Variants in CCDC194 observed in about 807,000 individuals in gnomAD.
CCDC194 encodes coiled-coil domain containing 194.
A neutral mutation model predicts 4.9 loss-of-function variants in CCDC194; 8 were observed. The observed-to-expected ratio is 1.65, with a 90% confidence interval of 0.97 to 2.97. The LOEUF is 2.97. Among genes scored for constraint, CCDC194 ranks in the 30% most tolerant of loss-of-function variants. CCDC194 has a pLI of 0.00. For missense variants in CCDC194, 52 were observed against 43.1 expected (o/e 1.21, Z -0.58); for synonymous variants, 13 against 17.0 (o/e 0.76, Z 0.58).
intron 1 of CCDC194, among the ~76,000 whole-genome samples, chr19:17,392,967 C>T (rs1196963289): frequency 6.6e-6 from 1 of 152,192 alleles, no homozygotes; most frequent in Non-Finnish European, 1.5e-5. Flanking sequence ...CAGGCGTGAG[C>T]CACTGCGCCC....
At chr19:17,387,705 C>T (rs1171305511), downstream of CCDC194, among the ~76,000 whole-genome samples, 1 of 151,314 alleles carries the variant, frequency 6.6e-6, no homozygotes, top group Non-Finnish European at 1.5e-5. Flanking sequence ...GCAACAAAAG[C>T]AAGACTCTAT....
At chr19:17,389,789 AC>A (rs1476507106), downstream of CCDC194, among the ~76,000 whole-genome samples, 7 of 152,050 alleles carry the variant, frequency 4.6e-5, no homozygotes, top group Non-Finnish European at 1.0e-4. Flanking sequence ...ACATGGTGTA[AC>A]CCCGTCTCTA....
At chr19:17,393,806 C>T (rs1302044955) in intron 1 of CCDC194, 29 bp downstream of exon 1, 3 of 395,228 alleles carry the variant, frequency 7.6e-6, no homozygotes, top group African/African-American at 2.1e-5. Flanking sequence ...TCTGGATTCC[C>T]GAGCTCCCCC....
chr19:17,393,462 C>T (rs1468554035), intron 1 of CCDC194, among the ~76,000 whole-genome samples: 2 of 148,926 alleles, frequency 1.3e-5, no homozygotes, highest in Non-Finnish European at 2.9e-5. Context: ...GGTCTCAGCT[C>T]ACTGCAACCT....
downstream of CCDC194, among the ~76,000 whole-genome samples, chr19:17,387,334 C>T (rs576500769): frequency 2.0e-5 from 3 of 152,104 alleles, no homozygotes; most frequent in African/African-American, 2.4e-5. Flanking sequence ...ACCCCTGGTT[C>T]GCTCCCCAGA....
exon 3 of CCDC194, chr19:17,391,261 C>G (rs2074653538): frequency 4.9e-6 from 2 of 408,420 alleles, no homozygotes; most frequent in East Asian, 7.1e-5. Context: ...CGCCCTCGGC[C>G]TCCGCCACGC....
chr19:17,388,051 T>C (rs2074641779), downstream of CCDC194, among the ~76,000 whole-genome samples: 1 of 151,698 alleles, frequency 6.6e-6, no homozygotes, highest in Non-Finnish European at 1.5e-5. Context: ...CATGCCCGGC[T>C]AATTTTTTGT....
chr19:17,392,613 A>T (rs187303867), intron 1 of CCDC194, among the ~76,000 whole-genome samples: 9 of 152,210 alleles, frequency 5.9e-5, no homozygotes, highest in African/African-American at 1.9e-4. Flanking sequence ...AGTGCGTCTT[A>T]CAGCAAGGGG....
chr19:17,393,193 G>A (rs1044543624), intron 1 of CCDC194, among the ~76,000 whole-genome samples: 2 of 152,022 alleles, frequency 1.3e-5, no homozygotes, highest in African/African-American at 4.8e-5. Flanking sequence ...GACCCAGCAG[G>A]TACCTCCCCC....
chr19:17,390,528 G>C lies in CCDC194; in HGVS notation c.686C>G (p.Ala229Gly), dbSNP rs942042844. 5.1e-6 allele frequency: 2 copies of C among 393,882 alleles called. No individual in the cohort carries two copies. Among genetic ancestry groups the C allele is most frequent in the African/African-American group, 4.2e-5 (2 of 48,152 alleles). The allele number at this position is 393,882 out of a possible 1,614,324, so 24.4% of individuals were successfully genotyped here. ...GCCGACTCACCCTCGTGCGCGCCGCGCCGGCCGCCGGCAGCCCCCGGAGGG... is the reference window on the plus strand; with the variant it reads ...GCCGACTCACCCTCGTGCGCGCCGCCCCGGCCGCCGGCAGCCCCCGGAGGG... Residue 229 changes from alanine to glycine, a missense_variant, in exon 4 of 4, where the codon GCG becomes GGG. Physicochemically the swap from Ala to Gly is moderately conservative, Grantham distance 60. Transcript: ENST00000636079. The surrounding 1 kb of genome is among the most constrained non-coding windows in gnomAD (Gnocchi z 5.5).
Position 17,390,727 on chromosome 19 carries a change from C to T in CCDC194, c.555-68G>A, listed in dbSNP as rs746479826. The stretch of plus-strand genomic sequence containing the variant: ...GTCCCCAGACATCGCCAGCCCTCAT[C>T]CGCCAGAGCGTCCCTTTGCTGGGAA... On this transcript the variant is annotated intron_variant, in intron 3 of 3. Coordinates refer to ENST00000636079, the Ensembl canonical transcript of CCDC194. This position sits in a 1 kb window ranked among gnomAD's most constrained non-coding sequence, Gnocchi z 5.5. 129 of 393,718 alleles carry T rather than the reference C, an allele frequency of 3.3e-4. No homozygotes were observed. Among genetic ancestry groups the T allele is most frequent in the Non-Finnish European group, 4.8e-4 (108 of 222,776 alleles). 24.4% of individuals were successfully genotyped at this position (393,718 alleles called of 1,614,324 possible).
At chr19:17,392,028 G>A (rs1307957258) in intron 1 of CCDC194, 182 bp from the exon 2 acceptor site, 2 of 549,460 alleles carry the variant, frequency 3.6e-6, no homozygotes, top group Admixed American at 3.8e-5. Context: ...CTGGGGCACC[G>A]AGTGGTGACA....
rs990113315 is a variant in CCDC194 at position 17,391,773 on chromosome 19, C to G, written c.398G>C (p.Gly133Ala). ...ACCTGTCAGCGCCCCGTTCTCGGCC[C>G]CCATCTGGGTCCCCTGTGCCTTGGC... is the stretch of plus-strand genomic sequence containing the variant. Residue 133 changes from glycine (G) to alanine (A), a missense_variant, in exon 2 of 4, where the codon GGG (glycine) becomes GCG (alanine). Transcript: ENST00000636079. The G allele has an allele frequency of 3.9e-6, 6 of 1,535,612 alleles. No homozygotes were observed. The African/African-American group carries it at 5.5e-5, about 14-fold the overall frequency.
In CCDC194 at chr19:17,390,999, C is replaced by A. The variant is rs142017083; in HGVS notation, c.554+212G>T. ...CCTGGGGACCTAAGTTTCTAGAATGCCCGCCCCAGCCTGGAATCCCAAGAG... is the reference window on the plus strand; with the variant it reads ...CCTGGGGACCTAAGTTTCTAGAATGACCGCCCCAGCCTGGAATCCCAAGAG... On this transcript the variant is annotated intron_variant, in intron 3 of 3. Transcript: ENST00000636079. The surrounding 1 kb of genome is among the most constrained non-coding windows in gnomAD (Gnocchi z 5.5). Among the ~76,000 whole-genome samples, 3,693 of 152,138 alleles carry A rather than the reference C, an allele frequency of 0.024. 67 individuals are homozygous for A. Among genetic ancestry groups the A allele is most frequent in the Middle Eastern group, 0.044 (13 of 294 alleles).
chr19:17,392,468 G>A (rs546788448), intron 1 of CCDC194, among the ~76,000 whole-genome samples: 69 of 152,238 alleles, frequency 4.5e-4, no homozygotes, highest in African/African-American at 1.5e-3. Flanking sequence ...GCATGACTCC[G>A]TCTCAGAACA....
chr19:17,387,408 T>TAC (rs143974682), downstream of CCDC194, among the ~76,000 whole-genome samples: 8,186 of 150,256 alleles, frequency 0.054, 254 homozygotes, highest in South Asian at 0.14. Flanking sequence ...CCCCAAGCCC[T>TAC]ACACACACAC....
In CCDC194 at chr19:17,394,057, T is replaced by C. The variant is rs1382178083; in HGVS notation, c.102A>G (p.Val34=). Reference sequence around the variant, plus strand: ...CAGCCGAGGCGGCCAGATTCCAGGCTACCAGGGCCCCGCCGGCTGCTGCCG... The same window carrying C: ...CAGCCGAGGCGGCCAGATTCCAGGCCACCAGGGCCCCGCCGGCTGCTGCCG... Residue 34 remains valine (V), a synonymous_variant, in exon 1 of 4, where the codon GTA becomes GTG. Transcript: ENST00000636079. 9 of 389,356 alleles carry C rather than the reference T, an allele frequency of 2.3e-5. No homozygotes were observed. In the Admixed American group the frequency reaches 4.0e-4, roughly 17 times the overall value. The allele number at this position is 389,356 out of a possible 1,614,324, so 24.1% of individuals were successfully genotyped here.
At chr19:17,388,193 C>CTTTTT (rs71162117), downstream of CCDC194, among the ~76,000 whole-genome samples, 25 of 92,092 alleles carry the variant, frequency 2.7e-4, 1 homozygote, top group African/African-American at 1.0e-3. Flanking sequence ...TCTTTTTTTC[C>CTTTTT]TTTTTTTTTT....
rs2074663819 is a variant in CCDC194 at position 17,393,776 on chromosome 19, G to C, written c.324+59C>G. 1.3e-5 allele frequency: 5 copies of C among 392,728 alleles called. 1 individual carries two copies. In the South Asian group the frequency reaches 5.3e-4, roughly 42 times the overall value. The allele number at this position is 392,728 out of a possible 1,614,324, so 24.3% of individuals were successfully genotyped here. ...GGGAACCCTGGAGTTGTGTGGGCAG[G>C]CCGTCTCTTATCTCAACATTCTGGA... On this transcript the variant is annotated intron_variant, in intron 1 of 3. Transcript: ENST00000636079.
Sources: gnomAD v4.1 joint callset for allele counts (sites outside exome capture counted in the v4.1 genomes callset) on GRCh38, gnomAD v4.1.1 for gene constraint, Gnocchi (gnomAD v3.1) non-coding constraint, MANE v1.5 for transcripts, NCBI Gene and HGNC (gene_info 2026-07-23, HGNC 2026-07-21) for gene names.